TLR6: variants seen among roughly 807,000 people sequenced by gnomAD.
TLR6 encodes the protein toll like receptor 6.
TLR6 carries 9 observed loss-of-function variants against 16.1 expected under a neutral mutation model. The observed-to-expected ratio is 0.56, with a 90% confidence interval of 0.34 to 0.98. The LOEUF is 0.98. Ranked by LOEUF, TLR6 falls within the 50% of genes least tolerant of loss-of-function variation. TLR6 has a pLI of 0.02. For synonymous variants in TLR6, 340 were observed against 338.6 expected (o/e 1.00, Z -0.04); for missense variants, 786 against 921.0 (o/e 0.85, Z 1.90).
chr4:38,847,283 G>A (rs1253384469), intron 1 of TLR6, among the ~76,000 whole-genome samples: 5 of 152,134 alleles, frequency 3.3e-5, no homozygotes, highest in Admixed American at 3.3e-4. Context: ...TCAACATCAA[G>A]AATGCACACA....
intron 1 of TLR6, among the ~76,000 whole-genome samples, chr4:38,846,084 A>G (rs11096962): frequency 0.45 from 61,966 of 137,126 alleles, 13,802 homozygotes; most frequent in Middle Eastern, 0.53. Flanking sequence ...AGAGCGAGAC[A>G]TCTCAAAAAA....
chr4:38,867,610 G>A, the TLR6 span: 1 of 152,152 alleles, frequency 6.6e-6, no homozygotes, highest in African/African-American at 2.4e-5. Context: ...CGCTGGCACA[G>A]GGGTGGGACA....
intron 1 of TLR6, among the ~76,000 whole-genome samples, chr4:38,856,301 G>C (rs1049549459): frequency 1.3e-5 from 2 of 152,166 alleles, no homozygotes; most frequent in Non-Finnish European, 2.9e-5. Flanking sequence ...TTATGAATTA[G>C]GGACAGACAC....
At chr4:38,843,894 G>A (rs939339841) in intron 1 of TLR6, 2 of 152,192 alleles carry the variant, frequency 1.3e-5, no homozygotes, top group Non-Finnish European at 2.9e-5. Flanking sequence ...CCACACTCAA[G>A]CTTTGTCTCA....
Position 38,828,909 on chromosome 4 carries a change from CTG to C in TLR6, c.563_564del (p.Thr188ArgfsTer19). On this transcript the variant is annotated frameshift_variant, in exon 2 of 2. Coordinates refer to ENST00000436693, the Ensembl canonical transcript of TLR6. LOFTEE classifies it low-confidence loss of function (END_TRUNC). ...TTTGCATTCAGAATTTGTAGACTTTCTGTCTCATTTTCTTTTATATAATAATT... is the reference window on the plus strand; with the variant it reads ...TTTGCATTCAGAATTTGTAGACTTTCTCTCATTTTCTTTTATATAATAATT... 6.2e-7 allele frequency: 1 copy of C among 1,610,118 alleles called. No individual in the cohort carries two copies. Among genetic ancestry groups the C allele is most frequent in the Non-Finnish European group, 8.5e-7 (1 of 1,178,230 alleles).
chr4:38,858,579 G>A (rs1334824225), upstream of TLR6, among the ~76,000 whole-genome samples: 1 of 151,844 alleles, frequency 6.6e-6, no homozygotes, highest in Non-Finnish European at 1.5e-5. Flanking sequence ...CATTAGCTGG[G>A]TATGGTGGCA....
At chr4:38,832,616 C>T (rs1182548856) in intron 1 of TLR6, among the ~76,000 whole-genome samples, 1 of 152,126 alleles carries the variant, frequency 6.6e-6, no homozygotes, top group African/African-American at 2.4e-5. Flanking sequence ...TTTTAAGAGC[C>T]CAGCCCTCAC....
chr4:38,831,897 C>T (rs148520992), intron 1 of TLR6, among the ~76,000 whole-genome samples: 29 of 152,340 alleles, frequency 1.9e-4, no homozygotes, highest in African/African-American at 6.0e-4. Flanking sequence ...CTCTCTTTCA[C>T]TGTTTGTGGG....
exon 2 of TLR6, chr4:38,827,942 G>A (rs759781032): frequency 1.1e-5 from 17 of 1,614,034 alleles, no homozygotes; most frequent in Admixed American, 5.0e-5. Flanking sequence ...GAAATCAGCC[G>A]ATGGGTGGGA....
At chr4:38,843,689 T>C (rs1712387760) in intron 1 of TLR6, 1 of 152,230 alleles carries the variant, frequency 6.6e-6, no homozygotes, top group Non-Finnish European at 1.5e-5. Flanking sequence ...TATTACTGAA[T>C]GGCGTATGGT....
intron 1 of TLR6, among the ~76,000 whole-genome samples, chr4:38,851,408 A>G (rs1712768000): frequency 6.6e-6 from 1 of 152,222 alleles, no homozygotes; most frequent in Non-Finnish European, 1.5e-5. Context: ...AAAAGAAAGA[A>G]ATAAAGGGTA....
upstream of TLR6, among the ~76,000 whole-genome samples, chr4:38,858,188 C>G (rs1325496245): frequency 1.3e-5 from 2 of 152,128 alleles, no homozygotes; most frequent in African/African-American, 2.4e-5. Flanking sequence ...AAGAAACAGA[C>G]AGTACTGGGC....
chr4:38,842,647 T>A (rs564124600), intron 1 of TLR6, among the ~76,000 whole-genome samples: 2 of 152,366 alleles, frequency 1.3e-5, no homozygotes, highest in South Asian at 4.1e-4. Context: ...AAAGCCAGAA[T>A]GCCTCTGTGT....
Position 38,827,348 on chromosome 4 carries a change from C to G in TLR6, c.2126G>C (p.Ser709Thr), listed in dbSNP as rs544770367. The stretch of plus-strand genomic sequence containing the variant: ...ATAGAGTTCGTAATGGCACCACTCA[C>G]TCTGGACAAAGTTGGGAGACAAAAC... Residue 709 changes from serine (S) to threonine (T), a missense_variant, in exon 2 of 2, where the codon AGT becomes ACT. Coordinates refer to ENST00000436693, the Ensembl canonical transcript of TLR6. 3.5e-5 allele frequency: 57 copies of G among 1,614,182 alleles called. No homozygotes were observed. In the South Asian group the frequency reaches 6.3e-4, roughly 18 times the overall value.
At chr4:38,855,178 C>T (rs981397620) in intron 1 of TLR6, among the ~76,000 whole-genome samples, 2 of 148,948 alleles carry the variant, frequency 1.3e-5, no homozygotes, top group Non-Finnish European at 3.0e-5. Flanking sequence ...TGCCGCTGCA[C>T]TCCAGCCTGG....
chr4:38,839,384 G>A (rs1252726644), intron 1 of TLR6, among the ~76,000 whole-genome samples: 2 of 152,008 alleles, frequency 1.3e-5, no homozygotes, highest in Non-Finnish European at 2.9e-5. Context: ...CAACTGTATT[G>A]AAAGTTAACT....
At chr4:38,861,260 TAG>T (rs1162584723), upstream of TLR6, among the ~76,000 whole-genome samples, 5 of 152,138 alleles carry the variant, frequency 3.3e-5, no homozygotes, top group Non-Finnish European at 7.4e-5. Context: ...CATAGCTACA[TAG>T]AGACTCTTCC....
At chr4:38,838,739 T>C (rs1371401118) in intron 1 of TLR6, among the ~76,000 whole-genome samples, 1 of 152,094 alleles carries the variant, frequency 6.6e-6, no homozygotes, top group South Asian at 2.1e-4. Flanking sequence ...AGAGAAGATC[T>C]GAAATGCTCC....
At chr4:38,829,522 G>T in exon 2 of TLR6, 1 of 1,108,702 alleles carries the variant, frequency 9.0e-7, no homozygotes, top group Non-Finnish European at 1.3e-6. Flanking sequence ...AGAGCATCTT[G>T]ATATGAGTCC....
Sources: allele counts gnomAD v4.1 joint callset (sites outside exome capture counted in the v4.1 genomes callset), GRCh38; gene constraint gnomAD v4.1.1; transcripts MANE v1.5; gene names NCBI Gene and HGNC (gene_info 2026-07-23, HGNC 2026-07-21).